The following SPATA31F3 variants were observed in gnomAD, a reference collection of about 807,000 sequenced individuals.
The protein encoded by SPATA31F3 is SPATA31 subfamily F member 3.
At chr9:34,891,491 C>T in the SPATA31F3 span, among the ~76,000 whole-genome samples, 1 of 152,226 alleles carries the variant, frequency 6.6e-6, no homozygotes, top group Non-Finnish European at 1.5e-5. Context: ...CCACTAGCTT[C>T]TGGTGCTGCA....
the SPATA31F3 span, chr9:34,895,542 G>C: frequency 2.5e-6 from 1 of 398,338 alleles, no homozygotes; most frequent in Non-Finnish European, 4.4e-6. Context: ...CTTGTTTGAG[G>C]CACATCAATT....
the SPATA31F3 span, chr9:34,895,016 T>G: frequency 2.5e-6 from 1 of 398,428 alleles, no homozygotes; most frequent in Non-Finnish European, 4.4e-6. Flanking sequence ...AGAAGTGAAT[T>G]AGAGGAGAGA....
chr9:34,893,116 T>C, the SPATA31F3 span: 6 of 846,588 alleles, frequency 7.1e-6, no homozygotes, highest in Non-Finnish European at 1.0e-5. Flanking sequence ...CACACAGGAT[T>C]CGCCGCACAC....
chr9:34,893,289 G>GT, the SPATA31F3 span: 1 of 408,748 alleles, frequency 2.4e-6, no homozygotes, highest in African/African-American at 2.0e-5. Flanking sequence ...CTACCTCCCT[G>GT]TTTTTCTTCC....
chr9:34,892,182 G>A, the SPATA31F3 span, among the ~76,000 whole-genome samples: 7 of 152,202 alleles, frequency 4.6e-5, no homozygotes, highest in African/African-American at 1.7e-4. Context: ...CCACTTAGAA[G>A]CTGAAAGAGA....
At chr9:34,892,212 C>G in the SPATA31F3 span, among the ~76,000 whole-genome samples, 1 of 152,076 alleles carries the variant, frequency 6.6e-6, no homozygotes, top group Admixed American at 6.5e-5. Flanking sequence ...AGAGCTAGAA[C>G]CATGGGGTTT....
the SPATA31F3 span, among the ~76,000 whole-genome samples, chr9:34,894,744 C>T: frequency 3.3e-5 from 5 of 152,196 alleles, no homozygotes; most frequent in Non-Finnish European, 7.3e-5. Flanking sequence ...GAGAACAAGA[C>T]TGAGAGTTGA....
the SPATA31F3 span, chr9:34,893,183 A>G: frequency 2.1e-6 from 1 of 487,588 alleles, no homozygotes; most frequent in African/African-American, 1.9e-5. Flanking sequence ...AACATTAATG[A>G]TGGAGTGACA....
the SPATA31F3 span, among the ~76,000 whole-genome samples, chr9:34,895,346 G>A: frequency 1.3e-5 from 2 of 152,268 alleles, no homozygotes; most frequent in South Asian, 2.1e-4. Context: ...GATGAGACGG[G>A]AGGAAAAGTG....
At chr9:34,889,814 G>A in the SPATA31F3 span, among the ~76,000 whole-genome samples, 1 of 152,080 alleles carries the variant, frequency 6.6e-6, no homozygotes, top group Non-Finnish European at 1.5e-5. Flanking sequence ...TTCAAATACT[G>A]TACTTGCAAA....
At chr9:34,890,024 T>G in the SPATA31F3 span, among the ~76,000 whole-genome samples, 1 of 152,310 alleles carries the variant, frequency 6.6e-6, no homozygotes, top group Admixed American at 6.5e-5. Flanking sequence ...GAGAAGCTGG[T>G]GAAACAGCAA....
the SPATA31F3 span, among the ~76,000 whole-genome samples, chr9:34,894,077 G>C: frequency 6.6e-6 from 1 of 152,210 alleles, no homozygotes; most frequent in Non-Finnish European, 1.5e-5. Context: ...TCAGAGGAGA[G>C]GGAATAAAGA....
chr9:34,894,999 T>C, the SPATA31F3 span: 1 of 398,458 alleles, frequency 2.5e-6, no homozygotes, highest in Admixed American at 4.4e-5. Context: ...GGAACCTCAC[T>C]CACAGCAGAA....
At chr9:34,894,558 C>G in the SPATA31F3 span, 5 of 398,484 alleles carry the variant, frequency 1.3e-5, no homozygotes, top group Non-Finnish European at 2.2e-5. Flanking sequence ...TCAGGGACAT[C>G]CTATAAGAAG....
At chr9:34,892,298 C>T in the SPATA31F3 span, among the ~76,000 whole-genome samples, 2 of 152,180 alleles carry the variant, frequency 1.3e-5, no homozygotes, top group African/African-American at 4.8e-5. Flanking sequence ...TTAGGTGAAC[C>T]AGCTAGCCTC....
chr9:34,889,336 T>C, the SPATA31F3 span: 1 of 398,584 alleles, frequency 2.5e-6, no homozygotes, highest in African/African-American at 2.1e-5. Flanking sequence ...TTGGCTGGAC[T>C]GAAGGGAGTG....
the SPATA31F3 span, chr9:34,894,415 G>A: frequency 2.5e-6 from 1 of 398,542 alleles, no homozygotes; most frequent in Non-Finnish European, 4.4e-6. Flanking sequence ...CTAGCAGCTG[G>A]GAGACTGCAA....
At chr9:34,889,179 C>T in the SPATA31F3 span, 956 of 398,596 alleles carry the variant, frequency 2.4e-3, 4 homozygotes, top group Non-Finnish European at 3.1e-3. Context: ...AACCTATGAA[C>T]TCCTTTTTCT....
chr9:34,895,434 A>G, the SPATA31F3 span: 2 of 397,150 alleles, frequency 5.0e-6, no homozygotes, highest in Non-Finnish European at 8.9e-6. Context: ...TGCCAACCAG[A>G]ATAATCACCC....
Sources: gnomAD v4.1 joint callset for allele counts (sites outside exome capture counted in the v4.1 genomes callset) on GRCh38, gnomAD v4.1.1 for gene constraint, MANE v1.5 for transcripts, NCBI Gene and HGNC (gene_info 2026-07-23, HGNC 2026-07-21) for gene names.